ABCB4: variants seen among roughly 807,000 people sequenced by gnomAD.
ABCB4 encodes the protein phosphatidylcholine translocator ABCB4.
A neutral mutation model predicts 145.7 loss-of-function variants in ABCB4; 76 were observed. The observed-to-expected ratio is 0.52, with a 90% confidence interval of 0.43 to 0.63. The LOEUF is 0.63. ABCB4 is among the 30% of genes least tolerant of loss of function. The pLI is 0.00. For missense variants in ABCB4, 1,234 were observed against 1,553.1 expected, an observed-to-expected ratio of 0.79 and a Z score of 3.45; for synonymous variants, 517 against 566.8, an observed-to-expected ratio of 0.91 and a Z score of 1.25.
At chr7:87,471,714 G>C (rs969855370) in intron 3 of ABCB4, among the ~76,000 whole-genome samples, 18 of 152,168 alleles carry the variant, frequency 1.2e-4, no homozygotes, top group Non-Finnish European at 2.4e-4. Context: ...ATGGGCAAAT[G>C]CTTTCTTGAG....
chr7:87,418,425 T>TTGAGC, intron 20 of ABCB4, 112 bp downstream of exon 20: 1 of 1,015,186 alleles, frequency 9.9e-7, no homozygotes, highest in East Asian at 2.5e-5. Flanking sequence ...CAGTTTTGAT[T>TTGAGC]TGAGCTTTCT....
At chr7:87,400,587 G>A (rs1807738500), downstream of ABCB4, among the ~76,000 whole-genome samples, 1 of 152,122 alleles carries the variant, frequency 6.6e-6, no homozygotes, top group Admixed American at 6.5e-5. Flanking sequence ...TCTAATGCAG[G>A]GTTTTAAACT....
intron 10 of ABCB4, 61 bp downstream of exon 10, chr7:87,444,801 G>T: frequency 7.7e-7 from 1 of 1,291,712 alleles, no homozygotes; most frequent in Non-Finnish European, 1.1e-6. Flanking sequence ...GCAAACTAAA[G>T]CCAGATTTAA....
chr7:87,393,510 G>A, the ABCB4 span, among the ~76,000 whole-genome samples: 1 of 152,242 alleles, frequency 6.6e-6, no homozygotes, highest in South Asian at 2.1e-4. Context: ...AGTTCACTTG[G>A]GCTGTGTGGA....
In ABCB4 at chr7:87,443,456, A is replaced by G. The variant is rs760119452; in HGVS notation, c.1231-12T>C. On this transcript the variant is annotated splice_polypyrimidine_tract_variant and intron_variant, in intron 11 of 27. Transcript: ENST00000649586. ...AGGCCCTTCAAGATCTGTAAGGAAA[A>G]TGAGAAAAAAGAACACACTTCACAA... 6.2e-7 allele frequency: 1 copy of G among 1,614,130 alleles called. No individual in the cohort carries two copies. Among genetic ancestry groups the G allele is most frequent in the South Asian group, 1.1e-5 (1 of 91,078 alleles).
the ABCB4 span, among the ~76,000 whole-genome samples, chr7:87,390,237 C>T: frequency 6.6e-6 from 1 of 152,136 alleles, no homozygotes; most frequent in Non-Finnish European, 1.5e-5. Flanking sequence ...TCTTTGCTTT[C>T]TACTCCATCT....
chr7:87,413,543 T>C, intron 22 of ABCB4, 74 bp downstream of exon 22: 4 of 986,006 alleles, frequency 4.1e-6, no homozygotes, highest in Non-Finnish European at 6.5e-6. Context: ...GCAGAGCTTT[T>C]ATTATCTTTT....
rs899313759 is a variant in ABCB4 at position 87,444,447 on chromosome 7, A to AT, written c.1119+414dup. ...AAATCATACCAAACATGCAGTGATAATTTTTTGGAGAGGGGGAACCCACAG... is the reference window on the plus strand; with the variant it reads ...AAATCATACCAAACATGCAGTGATAATTTTTTTGGAGAGGGGGAACCCACAG... On this transcript the variant is annotated intron_variant, in intron 10 of 27. Coordinates refer to ENST00000649586, the MANE Select transcript of ABCB4 (RefSeq NM_000443.4). Among the ~76,000 whole-genome samples the AT allele has an allele frequency of 3.9e-5, 6 of 152,280 alleles. No homozygotes were observed. In the South Asian group the frequency reaches 8.3e-4, roughly 21 times the overall value.
the ABCB4 span, chr7:87,369,605 C>CT: frequency 4.1e-5 from 15 of 369,970 alleles, no homozygotes; most frequent in East Asian, 8.2e-5. Flanking sequence ...TTTATGCATG[C>CT]TTTTTTAAAA....
At chr7:87,403,412 T>C in intron 26 of ABCB4, 131 bp from the exon 27 acceptor site, 5 of 838,286 alleles carry the variant, frequency 6.0e-6, no homozygotes, top group Non-Finnish European at 7.7e-6. Flanking sequence ...AGAGTGTTTA[T>C]TTTCAAAATC....
chr7:87,437,246 A>C (rs1187391945), intron 14 of ABCB4, among the ~76,000 whole-genome samples: 1 of 152,160 alleles, frequency 6.6e-6, no homozygotes, highest in African/African-American at 2.4e-5. Flanking sequence ...CTCTCTGGGT[A>C]CACTGCCCTG....
the ABCB4 span, chr7:87,391,814 C>T: frequency 8.7e-7 from 1 of 1,149,540 alleles, no homozygotes; most frequent in South Asian, 1.5e-5. Context: ...TTTCCTGGAT[C>T]ATTAAAATAC....
Position 87,402,010 on chromosome 7 carries a change from G to C in ABCB4, c.*86C>G, listed in dbSNP as rs1315544104. 6.5e-7 allele frequency: 1 copy of C among 1,537,338 alleles called. No homozygotes were observed. Among genetic ancestry groups the C allele is most frequent in the South Asian group, 1.2e-5 (1 of 85,912 alleles). On this transcript the variant is annotated 3_prime_UTR_variant, in exon 28 of 28. Coordinates refer to ENST00000649586, the MANE Select transcript of ABCB4 (RefSeq NM_000443.4). ...TGAGACAGACATACCTATGTTTTAT[G>C]ATGACAAACCAGAAACTTATTTTAC... is the stretch of plus-strand genomic sequence containing the variant.
intron 24 of ABCB4, among the ~76,000 whole-genome samples, chr7:87,408,470 C>T (rs893380750): frequency 2.6e-5 from 4 of 152,156 alleles, no homozygotes; most frequent in Admixed American, 2.6e-4. Context: ...TGTTATCTAA[C>T]TTAGTTTCTG....
chr7:87,463,241 G>C (rs922572869), intron 3 of ABCB4, among the ~76,000 whole-genome samples: 1 of 134,704 alleles, frequency 7.4e-6, no homozygotes, highest in Non-Finnish European at 1.5e-5. Context: ...AAGACATTAA[G>C]TTTAAACACA....
At chr7:87,414,852 A>G (rs1808860611) in intron 21 of ABCB4, among the ~76,000 whole-genome samples, 1 of 152,204 alleles carries the variant, frequency 6.6e-6, no homozygotes, top group South Asian at 2.1e-4. Context: ...TCATTCACCA[A>G]TATGATCTCA....
At chr7:87,451,573 T>C in intron 7 of ABCB4, 50 bp downstream of exon 7, 1 of 1,606,708 alleles carries the variant, frequency 6.2e-7, no homozygotes, top group East Asian at 2.2e-5. Context: ...ATATTAAAGA[T>C]TACTGTGTGC....
At position 87,412,221 on chromosome 7, in the gene ABCB4, T is replaced by C. The variant is rs756310973; in HGVS notation, c.2784-188A>G. Among the ~76,000 whole-genome samples, 2 of 152,218 alleles carry C rather than the reference T, an allele frequency of 1.3e-5. No homozygotes were observed. Among genetic ancestry groups the C allele is most frequent in the Non-Finnish European group, 2.9e-5 (2 of 68,044 alleles). ...AAATAATCACTGTAATGCAGAATTG[T>C]TTTGACAAAAACCATATAAATGTCT... On this transcript the variant is annotated intron_variant, in intron 22 of 27. Coordinates refer to ENST00000649586, the MANE Select transcript of ABCB4 (RefSeq NM_000443.4).
At chr7:87,373,184 G>A in the ABCB4 span, among the ~76,000 whole-genome samples, 2 of 152,134 alleles carry the variant, frequency 1.3e-5, no homozygotes, top group South Asian at 2.1e-4. Context: ...GTTTATATTT[G>A]ATAATGATGT....
Sources: gnomAD v4.1 joint callset for allele counts (sites outside exome capture counted in the v4.1 genomes callset) on GRCh38, gnomAD v4.1.1 for gene constraint, MANE v1.5 for transcripts, NCBI Gene and HGNC (gene_info 2026-07-23, HGNC 2026-07-21) for gene names.